The following PKD2L1 variants were observed in gnomAD, a reference collection of about 807,000 sequenced individuals.
PKD2L1 encodes polycystin 2 like 1, transient receptor potential cation channel.
PKD2L1 carries 77 observed loss-of-function variants against 93.0 expected under a neutral mutation model. The observed-to-expected ratio is 0.83, with a 90% CI of 0.69 to 1.00. PKD2L1 has a LOEUF of 1.00. Among genes scored for constraint, PKD2L1 ranks in the 50% least tolerant of loss-of-function variants. The pLI, the probability that PKD2L1 is intolerant of heterozygous loss-of-function variation, is 0.00. For missense variants in PKD2L1, 977 were observed against 990.9 expected, an observed-to-expected ratio of 0.99 and a Z score of 0.19; for synonymous variants, 390 against 388.0, an observed-to-expected ratio of 1.01 and a Z score of -0.06.
Position 100,297,219 on chromosome 10 carries a change from AG to A in PKD2L1, c.957-12del. The A allele has an allele frequency of 6.2e-7, 1 of 1,609,976 alleles. No individual in the cohort carries two copies. Among genetic ancestry groups the A allele is most frequent in the Non-Finnish European group, 8.5e-7 (1 of 1,177,022 alleles). On this transcript the variant is annotated splice_polypyrimidine_tract_variant and intron_variant, in intron 5 of 15. Coordinates refer to ENST00000318222, the MANE Select transcript of PKD2L1 (RefSeq NM_016112.3). ...AACTCCACCACCAGCCTATAGGGGG[AG>A]GGGGAGATGACCTCCAGTGGAGCCT...
Position 100,288,482 on chromosome 10 carries a change from T to C in PKD2L1, c.2336-4A>G, listed in dbSNP as rs530564184. On this transcript the variant is annotated splice_polypyrimidine_tract_variant and splice_region_variant and intron_variant, in intron 15 of 15. Coordinates refer to ENST00000318222, the MANE Select transcript of PKD2L1 (RefSeq NM_016112.3). ...TCTTCTCTTTTATAGGGAACCTCTG[T>C]GGGGGAAAACGAGAAACCCATGGGT... 7 of 1,594,786 alleles carry C rather than the reference T, an allele frequency of 4.4e-6. No homozygotes were observed. Among genetic ancestry groups the C allele is most frequent in the Non-Finnish European group, 6.0e-6 (7 of 1,162,486 alleles).
chr10:100,300,395 T>TA (rs11415788), intron 2 of PKD2L1, among the ~76,000 whole-genome samples: 86,846 of 149,934 alleles, frequency 0.58, 25,344 homozygotes, highest in African/African-American at 0.67. Flanking sequence ...CAAGTTAAAT[T>TA]AAAAAAAAAA....
chr10:100,291,367 T>G lies in PKD2L1; in HGVS notation c.1941A>C (p.Arg647Ser), dbSNP rs760757495. ...TCTCATCCAGAATACGATTCCCATC[T>G]CTGTCAAACTTGGTGAAGGTGGCCG... ...ELTATFTKFDRDGNRILDEKE... is the reference protein window; with the variant it reads ...ELTATFTKFDSDGNRILDEKE... Residue 647 changes from arginine to serine, a missense_variant, in exon 12 of 16, where the codon AGA becomes AGC. Coordinates refer to ENST00000318222, the MANE Select transcript of PKD2L1 (RefSeq NM_016112.3). The G allele has an allele frequency of 2.5e-6, 4 of 1,614,090 alleles. No homozygotes were observed. In the Admixed American group the frequency reaches 6.7e-5, roughly 27 times the overall value.
Position 100,288,294 on chromosome 10 carries a change from T to C in PKD2L1, c.*102A>G, listed in dbSNP as rs1449159150. The C allele has an allele frequency of 2.7e-6, 2 of 740,726 alleles. No homozygotes were observed. The highest frequency in any genetic ancestry group is 4.8e-6 in the Non-Finnish European group (2 of 412,754). 45.9% of individuals were successfully genotyped at this position (740,726 alleles called of 1,614,324 possible). On this transcript the variant is annotated 3_prime_UTR_variant, in exon 16 of 16. Coordinates refer to ENST00000318222, the MANE Select transcript of PKD2L1 (RefSeq NM_016112.3). ...CCTGATTCCCTTCAGGCTCCATTTT[T>C]ATCTCCTGGTTAAAGCCCACTCAGT...
intron 2 of PKD2L1, among the ~76,000 whole-genome samples, chr10:100,308,439 A>G (rs1282534543): frequency 1.3e-5 from 2 of 151,804 alleles, no homozygotes; most frequent in African/African-American, 4.8e-5. Flanking sequence ...GGTTCAAGCA[A>G]TTCTCCTGCT....
rs745785030 is a variant in PKD2L1, at chr10:100,293,276, A to G, written c.1758+5T>C. 5.0e-6 allele frequency: 8 copies of G among 1,603,376 alleles called. No homozygotes were observed. Among genetic ancestry groups the G allele is most frequent in the South Asian group, 1.1e-5 (1 of 90,868 alleles). On this transcript the variant is annotated splice_donor_5th_base_variant and intron_variant, in intron 10 of 15. Coordinates refer to ENST00000318222, the MANE Select transcript of PKD2L1 (RefSeq NM_016112.3). ...ATGTGTAGCTCAAGGAGATTGAGCAATCACCTGTTTCAGGAGGTCAGAAAG... is the reference window on the plus strand; with the variant it reads ...ATGTGTAGCTCAAGGAGATTGAGCAGTCACCTGTTTCAGGAGGTCAGAAAG...
At chr10:100,325,403 C>G (rs1203347301) in intron 2 of PKD2L1, among the ~76,000 whole-genome samples, 3 of 152,128 alleles carry the variant, frequency 2.0e-5, no homozygotes, top group Non-Finnish European at 4.4e-5. Flanking sequence ...CATTCCAAGG[C>G]TCCATGTCGC....
In PKD2L1 at chr10:100,298,620, C is replaced by G; in HGVS notation, c.673G>C (p.Asp225His). 6.2e-7 allele frequency: 1 copy of G among 1,614,056 alleles called. No homozygotes were observed. ...TCTTCTTTGTCTGGAGAGTAGACAT[C>G]ATAGCAGCTCAGAATGTCCTCCCGG... ...DFREDILSCY[D>H]VYSPDKEEQL... The change falls in exon 4 of 16, where the codon GAT becomes CAT. Residue 225 changes from aspartate (D) to histidine (H), a missense_variant. By Grantham distance (81) the Asp-to-His change is moderately conservative. Transcript: ENST00000318222.
chr10:100,319,332 C>T (rs1849176899), intron 2 of PKD2L1, among the ~76,000 whole-genome samples: 2 of 152,188 alleles, frequency 1.3e-5, no homozygotes, highest in Admixed American at 1.3e-4. Flanking sequence ...GTATCTTGAC[C>T]TATTTGCCAA....
chr10:100,291,215 G>A (rs1223806719), intron 12 of PKD2L1, 86 bp downstream of exon 12: 5 of 1,339,738 alleles, frequency 3.7e-6, no homozygotes, highest in Non-Finnish European at 5.0e-6. Context: ...AGAGTTTTCA[G>A]GTGGGTTTGT....
intron 12 of PKD2L1, among the ~76,000 whole-genome samples, chr10:100,290,857 A>T (rs1848391073): frequency 6.6e-6 from 1 of 152,192 alleles, no homozygotes; most frequent in African/African-American, 2.4e-5. Context: ...TTTTTGGTCC[A>T]CACTGGATAG....
chr10:100,318,804 C>T (rs1849162219), intron 2 of PKD2L1, among the ~76,000 whole-genome samples: 1 of 151,580 alleles, frequency 6.6e-6, no homozygotes, highest in South Asian at 2.1e-4. Flanking sequence ...CAGGCGTGAG[C>T]CACCGCACCC....
Position 100,296,989 on chromosome 10 carries a change from C to T in PKD2L1, c.1176G>A (p.Val392=), listed in dbSNP as rs1196591933. 1 of 1,611,004 alleles carries T rather than the reference C, an allele frequency of 6.2e-7. No homozygotes were observed. The highest frequency in any genetic ancestry group is 2.2e-5 in the East Asian group (1 of 44,858). Residue 392 remains valine, a synonymous_variant, in exon 6 of 16, where the codon GTG becomes GTA. Coordinates refer to ENST00000318222, the MANE Select transcript of PKD2L1 (RefSeq NM_016112.3). ...LSSIWNILDL[V]VILLSIVAVG... is the part of the protein sequence containing the mutation. ...GATATCTGTCCCTCACCAAGATGAC[C>T]ACCAGGTCCAGTATGTTCCAGATGC...
In PKD2L1 at chr10:100,329,758, G is replaced by A. The variant is rs561857813; in HGVS notation, c.235+111C>T. On this transcript the variant is annotated intron_variant, in intron 1 of 15. Transcript: ENST00000318222. ...AATTCATACACCCCAAAGTGACACC[G>A]AAAGGTCACCTCTTCTTCAGATCAC... The A allele has an allele frequency of 7.4e-5, 56 of 754,302 alleles. 1 individual carries two copies. The highest frequency in any genetic ancestry group is 6.6e-4 in the African/African-American group (38 of 57,362). 46.7% of individuals were successfully genotyped at this position (754,302 alleles called of 1,614,324 possible).
chr10:100,320,392 G>A (rs1849199868), intron 2 of PKD2L1, among the ~76,000 whole-genome samples: 1 of 152,174 alleles, frequency 6.6e-6, no homozygotes, highest in Admixed American at 6.5e-5. Context: ...AAAGCATAAG[G>A]GAGAAGAAAC....
At chr10:100,304,080 C>T (rs778963503) in intron 2 of PKD2L1, among the ~76,000 whole-genome samples, 1 of 152,184 alleles carries the variant, frequency 6.6e-6, no homozygotes, top group Non-Finnish European at 1.5e-5. Flanking sequence ...GGTAAAATGC[C>T]TATTGACAGG....
intron 2 of PKD2L1, among the ~76,000 whole-genome samples, chr10:100,302,294 C>T (rs1334215307): frequency 6.7e-6 from 1 of 148,688 alleles, no homozygotes; most frequent in Non-Finnish European, 1.5e-5. Flanking sequence ...TCAATTAGAA[C>T]CTATGGATTC....
Position 100,329,907 on chromosome 10 carries a change from AC to A in PKD2L1, c.196del (p.Val66CysfsTer20). ...ACAGATATGGAGGCAGCAGCTGGACACCTGGGTCCTGTATGCCGTCTCCTGG... is the reference window on the plus strand; with the variant it reads ...ACAGATATGGAGGCAGCAGCTGGACACTGGGTCCTGTATGCCGTCTCCTGG... ...EPQETAYRTQ[V>X]SSCCLHICQG... On this transcript the variant is annotated frameshift_variant, in exon 1 of 16. Coordinates refer to ENST00000318222, the MANE Select transcript of PKD2L1 (RefSeq NM_016112.3). LOFTEE classifies it high-confidence loss of function. 6.2e-7 allele frequency: 1 copy of A among 1,613,312 alleles called. No individual in the cohort carries two copies. The highest frequency in any genetic ancestry group is 8.5e-7 in the Non-Finnish European group (1 of 1,179,468).
chr10:100,299,423 C>T (rs1438180117), intron 3 of PKD2L1, among the ~76,000 whole-genome samples, 168 bp downstream of exon 3: 1 of 152,194 alleles, frequency 6.6e-6, no homozygotes, highest in African/African-American at 2.4e-5. Flanking sequence ...ATCCCTTACC[C>T]ACCTCCACCT....
Sources: allele counts gnomAD v4.1 joint callset (sites outside exome capture counted in the v4.1 genomes callset), GRCh38; gene constraint gnomAD v4.1.1; transcripts MANE v1.5; gene names NCBI Gene and HGNC (gene_info 2026-07-23, HGNC 2026-07-21).